The following IGFL2 variants were observed in gnomAD, a reference collection of about 807,000 sequenced individuals.
The protein encoded by IGFL2 is IGF like family member 2, also known as insulin growth factor-like family member 2.
IGFL2 carries 7 observed loss-of-function variants against 13.9 expected under a neutral mutation model. The ratio of observed to expected loss-of-function variants is 0.51; its 90% CI spans 0.29 to 0.95. The LOEUF (loss-of-function observed/expected upper bound fraction) is 0.95. IGFL2 is among the 40% of genes least tolerant of loss of function. The pLI, the probability that IGFL2 is intolerant of heterozygous loss-of-function variation, is 0.08. For missense variants in IGFL2, 138 were observed against 147.8 expected (o/e 0.93, Z 0.34); for synonymous variants, 55 against 55.8 (o/e 0.99, Z 0.07).
At chr19:46,084,204 G>C in the IGFL2 span, among the ~76,000 whole-genome samples, 1 of 152,132 alleles carries the variant, frequency 6.6e-6, no homozygotes, top group Non-Finnish European at 1.5e-5. Context: ...TTGTTTTGTG[G>C]CATACATATG....
chr19:46,105,479 A>G, the IGFL2 span, among the ~76,000 whole-genome samples: 1 of 152,160 alleles, frequency 6.6e-6, no homozygotes, highest in African/African-American at 2.4e-5. Flanking sequence ...AAAGAAGGAA[A>G]TATGGGGAAA....
chr19:46,126,694 C>T, the IGFL2 span, among the ~76,000 whole-genome samples: 3 of 152,294 alleles, frequency 2.0e-5, no homozygotes, highest in African/African-American at 4.8e-5. Flanking sequence ...TCATTCTGCA[C>T]ACACAACACA....
the IGFL2 span, chr19:46,179,355 T>A: frequency 8.9e-6 from 1 of 112,290 alleles, no homozygotes; most frequent in African/African-American, 3.8e-5. Context: ...GTGGGGGGGG[T>A]CTGTGAGAGG....
chr19:46,152,215 C>T (rs1377056571), intron 1 of IGFL2, among the ~76,000 whole-genome samples: 1 of 149,758 alleles, frequency 6.7e-6, no homozygotes, highest in South Asian at 2.1e-4. Flanking sequence ...TTTTATCTTA[C>T]AATCCTGTTG....
chr19:46,163,056 G>A (rs187941503), downstream of IGFL2, among the ~76,000 whole-genome samples: 9 of 152,310 alleles, frequency 5.9e-5, no homozygotes, highest in Middle Eastern at 3.4e-3. Flanking sequence ...TTCAGAGGCC[G>A]GATATGTTAG....
the IGFL2 span, chr19:46,124,182 A>G: frequency 6.2e-7 from 1 of 1,610,286 alleles, no homozygotes; most frequent in Admixed American, 1.7e-5. Flanking sequence ...GATGGTGTAC[A>G]TCCAAGGAAG....
chr19:46,126,092 T>C, the IGFL2 span, among the ~76,000 whole-genome samples: 1 of 152,082 alleles, frequency 6.6e-6, no homozygotes, highest in Non-Finnish European at 1.5e-5. Context: ...GATACACTGT[T>C]GTTTTGCAAC....
the IGFL2 span, among the ~76,000 whole-genome samples, chr19:46,179,959 G>A: frequency 6.6e-6 from 1 of 152,014 alleles, no homozygotes; most frequent in Non-Finnish European, 1.5e-5. Flanking sequence ...GTTGGGGGTG[G>A]CAGAGATTAT....
the IGFL2 span, chr19:46,200,988 T>C: frequency 6.6e-6 from 1 of 152,190 alleles, no homozygotes; most frequent in Non-Finnish European, 1.5e-5. Flanking sequence ...AAAAATAATA[T>C]CTATGACATA....
chr19:46,160,473 G>A lies in IGFL2; in HGVS notation c.73+5G>A, dbSNP rs554819235. 15 of 1,613,778 alleles carry A rather than the reference G, an allele frequency of 9.3e-6. No individual in the cohort carries two copies. In the Admixed American group the frequency reaches 2.5e-4, roughly 27 times the overall value. ...TGTGTCCAAGGGAAGTCATCGGTGA[G>A]TACAAGGATGGGCAAGAGTGAAGAG... On this transcript the variant is annotated splice_donor_5th_base_variant and intron_variant, in intron 2 of 3. Coordinates refer to ENST00000377693, the MANE Select transcript of IGFL2 (RefSeq NM_001135113.2).
chr19:46,101,867 C>CA, the IGFL2 span, among the ~76,000 whole-genome samples: 2 of 148,250 alleles, frequency 1.3e-5, no homozygotes, highest in African/African-American at 2.4e-5. Flanking sequence ...ATGAAAAAAG[C>CA]AGTTTCCAAG....
chr19:46,127,037 C>A, the IGFL2 span, among the ~76,000 whole-genome samples: 2 of 152,132 alleles, frequency 1.3e-5, no homozygotes, highest in Non-Finnish European at 2.9e-5. Context: ...AGCACAGTAG[C>A]TGGAGTGTGT....
chr19:46,112,026 C>T, the IGFL2 span: 3 of 152,126 alleles, frequency 2.0e-5, no homozygotes, highest in East Asian at 1.9e-4. Flanking sequence ...ATTAAATAGT[C>T]CTGCAGAATA....
chr19:46,189,552 C>T, the IGFL2 span: 3 of 152,458 alleles, frequency 2.0e-5, no homozygotes, highest in African/African-American at 7.2e-5. Flanking sequence ...CTGACGCTAC[C>T]GCTAGACCAA....
chr19:46,196,461 TC>T, the IGFL2 span, among the ~76,000 whole-genome samples: 1 of 151,832 alleles, frequency 6.6e-6, no homozygotes, highest in African/African-American at 2.4e-5. Context: ...CCCAAACTAC[TC>T]CCCAAACTTA....
At chr19:46,092,793 T>G in the IGFL2 span, among the ~76,000 whole-genome samples, 1 of 152,108 alleles carries the variant, frequency 6.6e-6, no homozygotes, top group Non-Finnish European at 1.5e-5. Context: ...AATACCTAAT[T>G]TTTGACCATT....
the IGFL2 span, among the ~76,000 whole-genome samples, chr19:46,089,171 CA>C: frequency 1.3e-5 from 2 of 150,332 alleles, no homozygotes; most frequent in Non-Finnish European, 1.5e-5. Flanking sequence ...TTGTAGTTAC[CA>C]AAAAAAACTT....
chr19:46,110,377 A>G, the IGFL2 span, among the ~76,000 whole-genome samples: 1 of 152,178 alleles, frequency 6.6e-6, no homozygotes, highest in Non-Finnish European at 1.5e-5. Flanking sequence ...CTGCAACAAC[A>G]CAATCACTCA....
chr19:46,145,220 T>A (rs995558904), upstream of IGFL2, among the ~76,000 whole-genome samples: 1 of 152,196 alleles, frequency 6.6e-6, no homozygotes, highest in African/African-American at 2.4e-5. Context: ...TATATATATA[T>A]ACCATTTTCA....
Sources: allele counts gnomAD v4.1 joint callset (sites outside exome capture counted in the v4.1 genomes callset), GRCh38; gene constraint gnomAD v4.1.1; transcripts MANE v1.5; gene names NCBI Gene and HGNC (gene_info 2026-07-23, HGNC 2026-07-21).